The following METTL8 variants were observed in gnomAD, a reference collection of about 807,000 sequenced individuals.
METTL8 encodes the protein tRNA N(3)-cytidine methyltransferase METTL8, mitochondrial.
In METTL8, 32 loss-of-function variants were observed where a neutral mutation model predicts 48.7. That is an observed-to-expected ratio of 0.66 (90% CI 0.50 to 0.88). The LOEUF is 0.88. METTL8 is among the 40% of genes least tolerant of loss of function. The pLI, the probability that METTL8 is intolerant of heterozygous loss-of-function variation, is 0.00. For synonymous variants in METTL8, 136 were observed against 157.1 expected, an observed-to-expected ratio of 0.87 and a Z score of 1.01; for missense variants, 464 against 474.4, an observed-to-expected ratio of 0.98 and a Z score of 0.20.
intron 3 of METTL8, among the ~76,000 whole-genome samples, chr2:171,350,644 T>C (rs1449862807): frequency 6.6e-6 from 1 of 152,216 alleles, no homozygotes; most frequent in East Asian, 1.9e-4. Flanking sequence ...GACTTTTTAA[T>C]GATTGCCATT....
At chr2:171,340,882 G>C (rs886685497) in intron 3 of METTL8, among the ~76,000 whole-genome samples, 1 of 152,134 alleles carries the variant, frequency 6.6e-6, no homozygotes, top group African/African-American at 2.4e-5. Flanking sequence ...TCTTCCTACT[G>C]ACATCTCCCA....
chr2:171,364,473 G>T (rs1483075577), intron 2 of METTL8, among the ~76,000 whole-genome samples: 1 of 151,808 alleles, frequency 6.6e-6, no homozygotes, highest in African/African-American at 2.4e-5. Context: ...TTGAATTTGA[G>T]AAAAAAACCT....
rs553910314 is a variant in METTL8, at chr2:171,370,716, G to A, written c.144-10203C>T. On this transcript the variant is annotated intron_variant, in intron 2 of 9. Coordinates refer to ENST00000375258, the MANE Select transcript of METTL8 (RefSeq NM_001321154.2). The stretch of plus-strand genomic sequence containing the variant: ...TGAGGCAGGAGAATGGCGTGAACCC[G>A]GGAGGCGGAGCTTGCAGTGAGCCGA... Among the ~76,000 whole-genome samples, 1,090 of 152,216 alleles carry A rather than the reference G, an allele frequency of 7.2e-3. 15 individuals carry two copies. Among genetic ancestry groups the A allele is most frequent in the African/African-American group, 0.024 (1,008 of 41,532 alleles).
chr2:171,359,645 G>T (rs962763726), intron 3 of METTL8, among the ~76,000 whole-genome samples: 2 of 151,126 alleles, frequency 1.3e-5, no homozygotes, highest in African/African-American at 4.9e-5. Flanking sequence ...ACGGAGTCTC[G>T]CTCTGTCGCC....
chr2:171,430,306 C>T (rs577816240), intron 1 of METTL8, among the ~76,000 whole-genome samples: 17 of 151,512 alleles, frequency 1.1e-4, no homozygotes, highest in African/African-American at 3.2e-4. Context: ...TGCAGTGAGC[C>T]GAGATAGCCC....
chr2:171,434,179 G>T, upstream of METTL8: 5 of 377,330 alleles, frequency 1.3e-5, no homozygotes, highest in South Asian at 9.6e-5. Context: ...AGGCAGGGCC[G>T]GGCAAGCCCT....
intron 2 of METTL8, among the ~76,000 whole-genome samples, chr2:171,385,741 A>C (rs548950046): frequency 6.6e-6 from 1 of 152,198 alleles, no homozygotes; most frequent in African/African-American, 2.4e-5. Context: ...CTTGGCTGCT[A>C]GAGTAAGTGA....
intron 3 of METTL8, among the ~76,000 whole-genome samples, chr2:171,346,827 CAT>C (rs1048759892): frequency 3.3e-5 from 5 of 152,342 alleles, no homozygotes; most frequent in Non-Finnish European, 5.9e-5. Context: ...TCATCAGAGA[CAT>C]TAAATATCAA....
At chr2:171,357,903 C>A (rs1684758800) in intron 3 of METTL8, among the ~76,000 whole-genome samples, 1 of 151,998 alleles carries the variant, frequency 6.6e-6, no homozygotes, top group East Asian at 1.9e-4. Flanking sequence ...GCCATATTGC[C>A]CAAGTTGGTC....
At chr2:171,412,645 T>TTG (rs1285783944) in intron 1 of METTL8, among the ~76,000 whole-genome samples, 1 of 151,736 alleles carries the variant, frequency 6.6e-6, no homozygotes, top group Non-Finnish European at 1.5e-5. Flanking sequence ...GATAAAAGCA[T>TTG]TAGCACCTTT....
At chr2:171,366,554 C>A (rs1250141199) in intron 2 of METTL8, among the ~76,000 whole-genome samples, 1 of 151,830 alleles carries the variant, frequency 6.6e-6, no homozygotes, top group East Asian at 1.9e-4. Context: ...TTGAGAAAAC[C>A]AAATATTGGA....
intron 3 of METTL8, among the ~76,000 whole-genome samples, chr2:171,340,349 A>T (rs1263734483): frequency 6.6e-6 from 1 of 151,584 alleles, no homozygotes; most frequent in African/African-American, 2.4e-5. Context: ...TAAAAAAATA[A>T]AAATTAGCTG....
chr2:171,429,057 A>G (rs1692705258), intron 1 of METTL8, among the ~76,000 whole-genome samples: 1 of 152,192 alleles, frequency 6.6e-6, no homozygotes. Flanking sequence ...TTTTGTACAC[A>G]TATCTTCAAG....
intron 2 of METTL8, among the ~76,000 whole-genome samples, chr2:171,376,527 A>C (rs557821286): frequency 6.6e-6 from 1 of 152,332 alleles, no homozygotes; most frequent in East Asian, 1.9e-4. Flanking sequence ...AATGTACATA[A>C]ATCAGGAGCA....
intron 1 of METTL8, among the ~76,000 whole-genome samples, chr2:171,431,591 G>A (rs1693026380): frequency 6.6e-6 from 1 of 152,204 alleles, no homozygotes; most frequent in Non-Finnish European, 1.5e-5. Context: ...CCGATTGTTA[G>A]TGTAATCTCA....
At chr2:171,336,804 G>A (rs547318627) in intron 5 of METTL8, among the ~76,000 whole-genome samples, 14 of 149,410 alleles carry the variant, frequency 9.4e-5, no homozygotes, top group Non-Finnish European at 1.5e-4. Flanking sequence ...TCTAGGGAGA[G>A]TAAATAATCT....
intron 1 of METTL8, among the ~76,000 whole-genome samples, chr2:171,412,043 C>T (rs1690808152): frequency 6.6e-6 from 1 of 152,172 alleles, no homozygotes; most frequent in African/African-American, 2.4e-5. Flanking sequence ...ATAAATGTCT[C>T]TTTAGGATTC....
chr2:171,328,912 C>T (rs776901613), intron 7 of METTL8, among the ~76,000 whole-genome samples: 7 of 152,208 alleles, frequency 4.6e-5, no homozygotes, highest in Non-Finnish European at 8.8e-5. Context: ...TGGTCTTGAA[C>T]TCCTGACCTC....
intron 2 of METTL8, among the ~76,000 whole-genome samples, chr2:171,363,155 G>A (rs1421947115): frequency 6.6e-6 from 1 of 150,476 alleles, no homozygotes; most frequent in Non-Finnish European, 1.5e-5. Flanking sequence ...TGTTCTTTAT[G>A]TTACTTCATT....
Sources: gnomAD v4.1 joint callset for allele counts (sites outside exome capture counted in the v4.1 genomes callset) on GRCh38, gnomAD v4.1.1 for gene constraint, MANE v1.5 for transcripts, NCBI Gene and HGNC (gene_info 2026-07-23, HGNC 2026-07-21) for gene names.